Variants in TBC1D5 observed in about 807,000 individuals in gnomAD.
The protein encoded by TBC1D5 is TBC1 domain family member 5.
Under a neutral mutation model 100.3 loss-of-function variants are expected in TBC1D5, and 75 were observed. The observed-to-expected ratio is 0.75, with a 90% CI of 0.62 to 0.91. TBC1D5 has a LOEUF of 0.91. TBC1D5 is among the 40% of genes least tolerant of loss of function. The pLI is 0.00. For synonymous variants in TBC1D5, 323 were observed against 325.6 expected (o/e 0.99, Z 0.09); for missense variants, 910 against 942.4 (o/e 0.97, Z 0.45).
intron 2 of TBC1D5, among the ~76,000 whole-genome samples, chr3:17,526,185 T>C (rs73155209): frequency 0.069 from 10,497 of 152,166 alleles, 706 homozygotes; most frequent in African/African-American, 0.18. Flanking sequence ...CTTATTTCTA[T>C]AAAAGAAAAC....
intron 2 of TBC1D5, among the ~76,000 whole-genome samples, chr3:17,614,020 T>G (rs976580416): frequency 6.6e-6 from 1 of 152,356 alleles, no homozygotes; most frequent in Non-Finnish European, 1.5e-5. Context: ...TGGTTTTCGG[T>G]CTAACATTCA....
chr3:17,577,943 G>A (rs1043556264), intron 2 of TBC1D5, among the ~76,000 whole-genome samples: 4 of 151,906 alleles, frequency 2.6e-5, no homozygotes, highest in Admixed American at 2.0e-4. Flanking sequence ...TTTCTGATTA[G>A]CAAGGTGATT....
intron 16 of TBC1D5, among the ~76,000 whole-genome samples, chr3:17,251,425 A>AACC (rs2077162770): frequency 9.9e-5 from 11 of 111,116 alleles, no homozygotes; most frequent in East Asian, 4.2e-4. Flanking sequence ...ACTCACGGGA[A>AACC]CCCCCCCCCC....
At chr3:17,575,821 T>C (rs1430786928) in intron 2 of TBC1D5, among the ~76,000 whole-genome samples, 3 of 152,114 alleles carry the variant, frequency 2.0e-5, no homozygotes, top group Admixed American at 6.6e-5. Flanking sequence ...TCTCTAAAAA[T>C]ATAAGCAACA....
rs545537442 is a variant in TBC1D5 at position 17,601,317 on chromosome 3, C to T, written c.-36+22532G>A. Among the ~76,000 whole-genome samples the T allele has an allele frequency of 3.9e-5, 6 of 152,260 alleles. No individual in the cohort carries two copies. In the East Asian group the frequency reaches 9.7e-4, roughly 25 times the overall value. ...CCTGAGGTCGGGAGTTCATGACCAG[C>T]CTGACCAACATGGGGAAACCCCGTC... On this transcript the variant is annotated intron_variant, in intron 2 of 21. Coordinates refer to ENST00000253692, the Ensembl canonical transcript of TBC1D5.
At chr3:17,360,253 T>C (rs965410654) in intron 13 of TBC1D5, among the ~76,000 whole-genome samples, 1 of 152,040 alleles carries the variant, frequency 6.6e-6, no homozygotes, top group African/African-American at 2.4e-5. Flanking sequence ...TTATAAAGTT[T>C]TGGGGTAATA....
intron 2 of TBC1D5, among the ~76,000 whole-genome samples, chr3:17,528,075 G>T (rs2096162873): frequency 6.6e-6 from 1 of 151,938 alleles, no homozygotes; most frequent in African/African-American, 2.4e-5. Context: ...GGGAGGGGTG[G>T]CTGAGACAAG....
intron 4 of TBC1D5, among the ~76,000 whole-genome samples, chr3:17,418,423 C>A (rs1437385720): frequency 6.6e-6 from 1 of 152,004 alleles, no homozygotes; most frequent in Non-Finnish European, 1.5e-5. Flanking sequence ...GCCTGGCCAA[C>A]ATGGTGAAAC....
At chr3:17,357,205 G>A (rs192724756) in intron 13 of TBC1D5, among the ~76,000 whole-genome samples, 1 of 152,276 alleles carries the variant, frequency 6.6e-6, no homozygotes, top group East Asian at 1.9e-4. Flanking sequence ...AAGAATAAAA[G>A]ACTGCACAGG....
chr3:17,362,232 T>C (rs2091787892), intron 13 of TBC1D5, among the ~76,000 whole-genome samples: 2 of 152,316 alleles, frequency 1.3e-5, no homozygotes, highest in African/African-American at 2.4e-5. Flanking sequence ...AGAGTTCTTA[T>C]ATGTGACACA....
intron 3 of TBC1D5, among the ~76,000 whole-genome samples, chr3:17,444,558 T>C (rs2094740484): frequency 6.6e-6 from 1 of 152,054 alleles, no homozygotes; most frequent in Non-Finnish European, 1.5e-5. Context: ...AACACTATGA[T>C]AAATACCTTT....
At chr3:17,270,621 T>C (rs2079308553) in intron 15 of TBC1D5, among the ~76,000 whole-genome samples, 1 of 152,210 alleles carries the variant, frequency 6.6e-6, no homozygotes, top group Admixed American at 6.5e-5. Flanking sequence ...GCCCTTTAGT[T>C]TAATGAGTTC....
At chr3:17,716,399 A>G (rs541406394) in intron 1 of TBC1D5, among the ~76,000 whole-genome samples, 12 of 151,916 alleles carry the variant, frequency 7.9e-5, no homozygotes, top group Admixed American at 2.6e-4. Context: ...GACAACTGGA[A>G]GGATTATGGG....
intron 3 of TBC1D5, among the ~76,000 whole-genome samples, chr3:17,432,300 A>G (rs952771239): frequency 3.9e-5 from 6 of 152,198 alleles, no homozygotes; most frequent in African/African-American, 1.4e-4. Context: ...TTTTAAAGGA[A>G]TTAGTATATA....
chr3:17,448,952 A>G (rs1444574800), intron 3 of TBC1D5, among the ~76,000 whole-genome samples: 1 of 152,182 alleles, frequency 6.6e-6, no homozygotes, highest in Non-Finnish European at 1.5e-5. Flanking sequence ...TATTCATGGG[A>G]TCTGGCAAGA....
In TBC1D5 at chr3:17,689,510, C is replaced by A. The variant is rs1432730891; in HGVS notation, c.-101+49833G>T. On this transcript the variant is annotated intron_variant, in intron 1 of 21. Coordinates refer to ENST00000253692, the Ensembl canonical transcript of TBC1D5. ...GCCCTGCCTGGGCGACAGAGTGAGA[C>A]CCTGTCTCAAAAAAAAAAAAAAAAA... 4.1e-5 allele frequency among the ~76,000 whole-genome samples: 6 copies of A among 144,960 alleles called. 1 individual carries two copies. The South Asian group carries it at 1.1e-3, about 26-fold the overall frequency.
At chr3:17,329,345 G>C (rs1031452087) in intron 13 of TBC1D5, among the ~76,000 whole-genome samples, 2 of 152,120 alleles carry the variant, frequency 1.3e-5, no homozygotes, top group Non-Finnish European at 2.9e-5. Context: ...TGATGTTCAG[G>C]TACAAATAAA....
At chr3:17,674,422 C>G (rs985529336) in intron 1 of TBC1D5, among the ~76,000 whole-genome samples, 4 of 152,046 alleles carry the variant, frequency 2.6e-5, no homozygotes, top group Non-Finnish European at 5.9e-5. Context: ...AAGTAGCAAC[C>G]ATCTGATTTC....
chr3:17,683,492 CTGCTGTTTA>C, intron 1 of TBC1D5, among the ~76,000 whole-genome samples: 1 of 146,488 alleles, frequency 6.8e-6, no homozygotes, highest in African/African-American at 2.8e-5. Context: ...AAGTACTTGT[CTGCTGTTTA>C]AGAAAGATGA....
Sources: allele counts gnomAD v4.1 joint callset (sites outside exome capture counted in the v4.1 genomes callset), GRCh38; gene constraint gnomAD v4.1.1; transcripts MANE v1.5; gene names NCBI Gene and HGNC (gene_info 2026-07-23, HGNC 2026-07-21).